Variants in PCDH9 observed in about 807,000 individuals in gnomAD.
PCDH9 encodes protocadherin 9.
PCDH9 carries 24 observed loss-of-function variants against 70.6 expected under a neutral mutation model. That is an observed-to-expected ratio of 0.34 (90% CI 0.25 to 0.48). The LOEUF (loss-of-function observed/expected upper bound fraction) is 0.48, where lower values mean the gene tolerates loss of function less well. Ranked by LOEUF, PCDH9 falls within the 20% of genes least tolerant of loss-of-function variation. PCDH9 has a pLI of 0.99. For missense variants in PCDH9, 1,281 were observed against 1,503.6 expected, an observed-to-expected ratio of 0.85 and a Z score of 2.45; for synonymous variants, 562 against 558.5, an observed-to-expected ratio of 1.01 and a Z score of -0.09.
At chr13:66,947,674 C>T (rs1265157317) in intron 2 of PCDH9, among the ~76,000 whole-genome samples, 1 of 151,874 alleles carries the variant, frequency 6.6e-6, no homozygotes. Flanking sequence ...CCTGTCCTGT[C>T]CATAGTTGGA....
At chr13:66,454,397 G>A (rs886224563) in intron 4 of PCDH9, among the ~76,000 whole-genome samples, 19 of 152,108 alleles carry the variant, frequency 1.2e-4, no homozygotes, top group Non-Finnish European at 2.9e-5. Flanking sequence ...GACATTAGAG[G>A]AAAGGTTGTA....
chr13:66,383,692 T>C (rs911781945), intron 4 of PCDH9, among the ~76,000 whole-genome samples: 1 of 152,222 alleles, frequency 6.6e-6, no homozygotes, highest in South Asian at 2.1e-4. Flanking sequence ...TCTAATTTTC[T>C]ATACTCTCAT....
intron 2 of PCDH9, among the ~76,000 whole-genome samples, chr13:66,985,253 C>G (rs1403802922): frequency 1.3e-5 from 2 of 152,084 alleles, no homozygotes; most frequent in Non-Finnish European, 2.9e-5. Context: ...GTGCCAAGAT[C>G]AATCCCTGGC....
intron 4 of PCDH9, among the ~76,000 whole-genome samples, chr13:66,353,872 T>C (rs1434249026): frequency 6.6e-6 from 1 of 152,160 alleles, no homozygotes; most frequent in Non-Finnish European, 1.5e-5. Context: ...ATTGTAAATA[T>C]CGCATGCTTG....
At chr13:66,545,477 A>G (rs1177748607) in intron 4 of PCDH9, among the ~76,000 whole-genome samples, 1 of 152,192 alleles carries the variant, frequency 6.6e-6, no homozygotes, top group Admixed American at 6.5e-5. Flanking sequence ...TGGCTTTTAC[A>G]TTTTTACAAA....
At chr13:66,824,303 GTATATATATATATATATA>G (rs60742942) in intron 3 of PCDH9, among the ~76,000 whole-genome samples, 37,175 of 127,700 alleles carry the variant, frequency 0.29, 5,649 homozygotes, top group East Asian at 0.34. Flanking sequence ...TTGTTTGAAA[GTATATATATATATATATA>G]TATATATATA....
At chr13:66,744,524 CA>C (rs2139210000) in intron 3 of PCDH9, among the ~76,000 whole-genome samples, 1 of 152,250 alleles carries the variant, frequency 6.6e-6, no homozygotes, top group Admixed American at 6.5e-5. Flanking sequence ...CTACCACACA[CA>C]AAACATGTTC....
At chr13:66,656,907 C>T (rs1034787327) in intron 3 of PCDH9, among the ~76,000 whole-genome samples, 11 of 152,048 alleles carry the variant, frequency 7.2e-5, no homozygotes, top group Non-Finnish European at 1.5e-5. Flanking sequence ...CTTAAATCCC[C>T]AGAAGGAAAT....
chr13:67,092,824 A>G (rs908307101), intron 2 of PCDH9, among the ~76,000 whole-genome samples: 1 of 152,166 alleles, frequency 6.6e-6, no homozygotes, highest in African/African-American at 2.4e-5. Flanking sequence ...CAGAAAAATA[A>G]TAAGGTGCAA....
intron 2 of PCDH9, among the ~76,000 whole-genome samples, chr13:67,057,124 T>C (rs1023143882): frequency 1.3e-5 from 2 of 152,156 alleles, no homozygotes; most frequent in Non-Finnish European, 2.9e-5. Context: ...TGTGCTCAAC[T>C]CAGGACACAC....
rs1406985824 is a variant in PCDH9, at chr13:66,617,855, CTG to C, written c.3340+13353_3340+13354del. 1.3e-3 allele frequency among the ~76,000 whole-genome samples: 200 copies of C among 152,332 alleles called. 1 individual carries two copies. The highest frequency in any genetic ancestry group is 4.6e-3 in the African/African-American group (192 of 41,574). On this transcript the variant is annotated intron_variant, in intron 4 of 4. Transcript: ENST00000377865. ...AGATAAGCCCCTGAGGGACCTCAGA[CTG>C]CCGTTTCCACAAAACGGCGTCCCCT...
intron 4 of PCDH9, among the ~76,000 whole-genome samples, chr13:66,346,268 T>A (rs1303890740): frequency 6.6e-6 from 1 of 152,192 alleles, no homozygotes; most frequent in Admixed American, 6.5e-5. Flanking sequence ...ACAGCAAGAA[T>A]TGTAAGCAAG....
chr13:67,183,882 T>A (rs1223266077), intron 2 of PCDH9, among the ~76,000 whole-genome samples: 3 of 152,166 alleles, frequency 2.0e-5, no homozygotes, highest in Non-Finnish European at 4.4e-5. Flanking sequence ...AAATATTATG[T>A]CCCTTTGGTG....
At chr13:66,668,556 A>G (rs2139032951) in intron 3 of PCDH9, among the ~76,000 whole-genome samples, 1 of 152,268 alleles carries the variant, frequency 6.6e-6, no homozygotes, top group East Asian at 1.9e-4. Context: ...TCACTCAAAA[A>G]CTAAGTAATC....
chr13:66,516,757 T>C (rs2138597879), intron 4 of PCDH9, among the ~76,000 whole-genome samples: 1 of 152,124 alleles, frequency 6.6e-6, no homozygotes, highest in East Asian at 1.9e-4. Context: ...TCTCTCTGTG[T>C]CTATGTGTGT....
In PCDH9 at chr13:66,849,517, T is replaced by TAGAG. The variant is rs58589562; in HGVS notation, c.3138+53983_3138+53986dup. ...ATATATATATATATATATATATATA[T>TAGAG]AGAGAGAGAGAGAGAGAGAGAGAGA... On this transcript the variant is annotated intron_variant, in intron 3 of 4. Transcript: ENST00000377865. 6.7e-3 allele frequency among the ~76,000 whole-genome samples: 426 copies of TAGAG among 63,530 alleles called. 9 individuals are homozygous for TAGAG. The highest frequency in any genetic ancestry group is 9.8e-3 in the East Asian group (18 of 1,842). 41.7% of individuals were successfully genotyped at this position (63,530 alleles called of 152,430 possible).
At chr13:67,141,597 C>A (rs150797054) in intron 2 of PCDH9, among the ~76,000 whole-genome samples, 1 of 151,896 alleles carries the variant, frequency 6.6e-6, no homozygotes, top group Admixed American at 6.6e-5. Flanking sequence ...CCTGCCACCA[C>A]GCCCAGCTAA....
intron 2 of PCDH9, among the ~76,000 whole-genome samples, chr13:67,113,334 A>C (rs2086692836): frequency 6.6e-6 from 1 of 152,210 alleles, no homozygotes; most frequent in South Asian, 2.1e-4. Flanking sequence ...ATTTGTCCCT[A>C]GAAAAGGGCA....
intron 2 of PCDH9, among the ~76,000 whole-genome samples, chr13:67,129,078 A>G (rs2087046604): frequency 2.6e-5 from 4 of 152,170 alleles, no homozygotes; most frequent in Admixed American, 1.3e-4. Flanking sequence ...TCCTCTGAGA[A>G]CAATTTGTTG....
Sources: gnomAD v4.1 joint callset for allele counts (sites outside exome capture counted in the v4.1 genomes callset) on GRCh38, gnomAD v4.1.1 for gene constraint, MANE v1.5 for transcripts, NCBI Gene and HGNC (gene_info 2026-07-23, HGNC 2026-07-21) for gene names.